ERBB4: variants seen among roughly 807,000 people sequenced by gnomAD.
The protein encoded by ERBB4 is erb-b2 receptor tyrosine kinase 4.
A neutral mutation model predicts 158.0 loss-of-function variants in ERBB4; 42 were observed. That is an observed-to-expected ratio of 0.27 (90% confidence interval 0.21 to 0.34). The LOEUF is 0.34. ERBB4 is among the 10% of genes least tolerant of loss of function. The pLI is 1.00. For missense variants in ERBB4, 1,333 were observed against 1,624.1 expected (o/e 0.82, Z 3.08); for synonymous variants, 583 against 558.7 (o/e 1.04, Z -0.61).
chr2:211,897,606 A>G (rs934754842), intron 3 of ERBB4, among the ~76,000 whole-genome samples: 1 of 152,100 alleles, frequency 6.6e-6, no homozygotes, highest in Non-Finnish European at 1.5e-5. Context: ...CCCTGCCTCA[A>G]CCAGGAAAAA....
intron 19 of ERBB4, among the ~76,000 whole-genome samples, chr2:211,584,836 ATTTT>A (rs1057003052): frequency 4.0e-5 from 6 of 151,860 alleles, no homozygotes; most frequent in Non-Finnish European, 8.8e-5. Context: ...AAATCCAGTT[ATTTT>A]GTTTTCTTCC....
At chr2:212,350,378 G>A (rs1409177920) in intron 1 of ERBB4, among the ~76,000 whole-genome samples, 2 of 152,006 alleles carry the variant, frequency 1.3e-5, no homozygotes, top group African/African-American at 4.8e-5. Context: ...CCCTTAGTAT[G>A]TTTACTATGG....
chr2:212,235,341 G>C (rs2083824708), intron 1 of ERBB4, among the ~76,000 whole-genome samples: 1 of 152,118 alleles, frequency 6.6e-6, no homozygotes, highest in African/African-American at 2.4e-5. Context: ...CTATATATCT[G>C]TTTTGGTACC....
intron 20 of ERBB4, among the ~76,000 whole-genome samples, chr2:211,493,161 A>AT (rs1210043136): frequency 1.3e-5 from 2 of 151,958 alleles, no homozygotes; most frequent in African/African-American, 2.4e-5. Flanking sequence ...GCTTCGAACC[A>AT]TTTTTTTCCT....
At chr2:211,403,229 C>T (rs1351280257) in intron 25 of ERBB4, among the ~76,000 whole-genome samples, 2 of 152,088 alleles carry the variant, frequency 1.3e-5, no homozygotes, top group African/African-American at 4.8e-5. Flanking sequence ...TGCCACTCTG[C>T]ACATCCTTTC....
At position 211,750,628 on chromosome 2, in the gene ERBB4, T is replaced by C; in HGVS notation, c.622+11A>G. On this transcript the variant is annotated intron_variant, in intron 5 of 27. Coordinates refer to ENST00000342788, the MANE Select transcript of ERBB4 (RefSeq NM_005235.3). ...CATCAAACCTGTGTGCTCTCACTGA[T>C]GAACACTTACAAGTCTGGCAATGAT... The C allele has an allele frequency of 1.9e-6, 3 of 1,612,406 alleles. No individual in the cohort carries two copies. The highest frequency in any genetic ancestry group is 2.5e-6 in the Non-Finnish European group (3 of 1,178,456).
At chr2:212,037,620 A>T (rs1292360629) in intron 2 of ERBB4, among the ~76,000 whole-genome samples, 1 of 152,228 alleles carries the variant, frequency 6.6e-6, no homozygotes, top group African/African-American at 2.4e-5. Flanking sequence ...CCACAGGCTG[A>T]ATATTTGGGC....
At chr2:211,871,073 T>A (rs2078331701) in intron 3 of ERBB4, among the ~76,000 whole-genome samples, 1 of 152,194 alleles carries the variant, frequency 6.6e-6, no homozygotes. Context: ...AGTAATATTT[T>A]AGTATCATCA....
chr2:212,310,075 A>G (rs1026162694), intron 1 of ERBB4, among the ~76,000 whole-genome samples: 19 of 150,602 alleles, frequency 1.3e-4, no homozygotes, highest in Admixed American at 7.3e-4. Context: ...ACAGGTTTCT[A>G]TAATAAACTG....
intron 2 of ERBB4, among the ~76,000 whole-genome samples, chr2:212,121,260 C>T (rs2079738913): frequency 6.6e-6 from 1 of 152,190 alleles, no homozygotes; most frequent in Non-Finnish European, 1.5e-5. Flanking sequence ...GAGACGGAGT[C>T]TCGCTGTGTT....
rs191949547 is a variant in ERBB4, at chr2:212,531,497, A to G, written c.82+6952T>C. On this transcript the variant is annotated intron_variant, in intron 1 of 27. Coordinates refer to ENST00000342788, the MANE Select transcript of ERBB4 (RefSeq NM_005235.3). ...GAAAGAGGATGGCCCAACAAAGACC[A>G]TAGAAATTATCATTTCATGTCATAT... is the stretch of plus-strand genomic sequence containing the variant. Among the ~76,000 whole-genome samples the G allele has an allele frequency of 2.0e-4, 30 of 152,330 alleles. No individual in the cohort carries two copies. The East Asian group carries it at 5.6e-3, about 28-fold the overall frequency.
chr2:212,173,060 T>C (rs1464449), intron 1 of ERBB4, among the ~76,000 whole-genome samples: 94,621 of 151,876 alleles, frequency 0.62, 30,777 homozygotes, highest in African/African-American at 0.72. Context: ...ATGTAGAATA[T>C]GGGTTCATTT....
intron 2 of ERBB4, among the ~76,000 whole-genome samples, chr2:212,060,851 C>T (rs1381801336): frequency 6.6e-6 from 1 of 150,544 alleles, no homozygotes; most frequent in African/African-American, 2.4e-5. Context: ...AGGAGATATA[C>T]CTAATGTAAA....
chr2:212,221,974 C>T (rs758694687), intron 1 of ERBB4, among the ~76,000 whole-genome samples: 8 of 151,508 alleles, frequency 5.3e-5, no homozygotes, highest in Non-Finnish European at 1.2e-4. Context: ...TCCACATCTA[C>T]AGTATCCGTA....
intron 6 of ERBB4, among the ~76,000 whole-genome samples, chr2:211,724,348 CTTTT>C: frequency 7.3e-6 from 1 of 137,696 alleles, no homozygotes; most frequent in South Asian, 2.3e-4. Flanking sequence ...AAGTGTCTTT[CTTTT>C]TTTTTTTTTA....
At chr2:211,598,922 C>T (rs2068716163) in intron 19 of ERBB4, among the ~76,000 whole-genome samples, 1 of 152,148 alleles carries the variant, frequency 6.6e-6, no homozygotes, top group Non-Finnish European at 1.5e-5. Context: ...TTGAGTCATG[C>T]CATAGATTTG....
rs60505220 is a variant in ERBB4 at position 211,678,318 on chromosome 2, CAAAA to C, written c.1622+730_1622+733del. On this transcript the variant is annotated intron_variant, in intron 13 of 27. Transcript: ENST00000342788. ...AAACAAACAAAAAAAAACAAACAAACAAAAAAAAAAAAACAAGAAAACTTGCACT... is the reference window on the plus strand; with the variant it reads ...AAACAAACAAAAAAAAACAAACAAACAAAAAAAAACAAGAAAACTTGCACT... Among the ~76,000 whole-genome samples the C allele has an allele frequency of 1.7e-3, 239 of 144,386 alleles. 1 individual carries two copies. Among genetic ancestry groups the C allele is most frequent in the Middle Eastern group, 3.6e-3 (1 of 278 alleles). The allele number at this position is 144,386 out of a possible 152,430, so 94.7% of individuals were successfully genotyped here.
At chr2:212,225,897 C>A (rs1293029491) in intron 1 of ERBB4, among the ~76,000 whole-genome samples, 2 of 151,956 alleles carry the variant, frequency 1.3e-5, no homozygotes, top group African/African-American at 2.4e-5. Flanking sequence ...GGGTATGGGT[C>A]ATATGAATAC....
chr2:212,399,013 G>A (rs572475699), intron 1 of ERBB4, among the ~76,000 whole-genome samples: 8 of 151,940 alleles, frequency 5.3e-5, no homozygotes, highest in Non-Finnish European at 1.0e-4. Context: ...GCGTGATCTT[G>A]GCTGACTGCA....
Sources: allele counts gnomAD v4.1 joint callset (sites outside exome capture counted in the v4.1 genomes callset), GRCh38; gene constraint gnomAD v4.1.1; transcripts MANE v1.5; gene names NCBI Gene and HGNC (gene_info 2026-07-23, HGNC 2026-07-21).